The following CTNNA3 variants were observed in gnomAD, a reference collection of about 807,000 sequenced individuals.
CTNNA3 encodes catenin alpha-3.
In CTNNA3, 76 loss-of-function variants were observed where a neutral mutation model predicts 95.7. The ratio of observed to expected loss-of-function variants is 0.79; its 90% confidence interval spans 0.66 to 0.96. The LOEUF is 0.96. Among genes scored for constraint, CTNNA3 ranks in the 40% least tolerant of loss-of-function variants. The probability of loss-of-function intolerance (pLI) is 0.00; values close to 1 mark genes in which losing one functional copy is unlikely to be tolerated. For missense variants in CTNNA3, 1,191 were observed against 1,089.8 expected, an observed-to-expected ratio of 1.09 and a Z score of -1.31; for synonymous variants, 431 against 374.4, an observed-to-expected ratio of 1.15 and a Z score of -1.74.
intron 11 of CTNNA3, among the ~76,000 whole-genome samples, chr10:66,482,496 G>T (rs934631614): frequency 6.6e-6 from 1 of 152,098 alleles, no homozygotes; most frequent in Non-Finnish European, 1.5e-5. Context: ...TTTATCATTG[G>T]CCGCACTGCT....
chr10:66,227,510 AGAAAAATAATC>A (rs761224816), intron 13 of CTNNA3, among the ~76,000 whole-genome samples: 24 of 151,992 alleles, frequency 1.6e-4, no homozygotes, highest in Non-Finnish European at 3.1e-4. Flanking sequence ...TTGCATTCCT[AGAAAAATAATC>A]CCACGTAATT....
chr10:66,299,450 A>G (rs10822798), intron 12 of CTNNA3, among the ~76,000 whole-genome samples: 42,861 of 152,080 alleles, frequency 0.28, 6,548 homozygotes, highest in African/African-American at 0.39. Context: ...AGTAAGTGCT[A>G]GAGTGGTGTT....
intron 13 of CTNNA3, among the ~76,000 whole-genome samples, chr10:66,123,404 G>A (rs577773691): frequency 6.6e-6 from 1 of 152,266 alleles, no homozygotes; most frequent in South Asian, 2.1e-4. Context: ...CGTCCCTGTG[G>A]CTTTGCAGGG....
At chr10:66,797,919 C>A (rs1485424832) in intron 7 of CTNNA3, among the ~76,000 whole-genome samples, 1 of 151,804 alleles carries the variant, frequency 6.6e-6, no homozygotes, top group Non-Finnish European at 1.5e-5. Flanking sequence ...TTCATAATGT[C>A]AATAAACCAG....
chr10:67,567,797 G>T (rs1190624005), intron 3 of CTNNA3, among the ~76,000 whole-genome samples: 1 of 152,034 alleles, frequency 6.6e-6, no homozygotes, highest in Non-Finnish European at 1.5e-5. Flanking sequence ...TTTAATTGTA[G>T]GCCTCCACCA....
chr10:66,969,503 T>A (rs1195495167), intron 7 of CTNNA3, among the ~76,000 whole-genome samples: 4 of 152,170 alleles, frequency 2.6e-5, no homozygotes, highest in Non-Finnish European at 5.9e-5. Context: ...TATCTTGGAT[T>A]ATTTCCTCGG....
chr10:67,460,765 A>T (rs1396700768), intron 5 of CTNNA3, among the ~76,000 whole-genome samples: 3 of 152,136 alleles, frequency 2.0e-5, no homozygotes, highest in African/African-American at 7.2e-5. Flanking sequence ...TTCATTATGG[A>T]GGTAATATTA....
intron 2 of CTNNA3, among the ~76,000 whole-genome samples, chr10:67,631,094 T>C (rs1277103301): frequency 2.0e-5 from 3 of 152,218 alleles, no homozygotes; most frequent in East Asian, 3.8e-4. Flanking sequence ...ACTTGGATCT[T>C]GAAAGTGATA....
At chr10:67,476,636 C>A (rs1028485377) in intron 5 of CTNNA3, among the ~76,000 whole-genome samples, 25 of 150,410 alleles carry the variant, frequency 1.7e-4, no homozygotes, top group African/African-American at 5.9e-4. Context: ...CGTAGTGCAT[C>A]TGAGCCTTCT....
At chr10:66,963,849 T>C (rs990193282) in intron 7 of CTNNA3, among the ~76,000 whole-genome samples, 5 of 151,172 alleles carry the variant, frequency 3.3e-5, no homozygotes, top group African/African-American at 1.2e-4. Context: ...ACATCAATTT[T>C]TTTTTTTTTT....
intron 13 of CTNNA3, among the ~76,000 whole-genome samples, chr10:66,265,623 A>G (rs2132113796): frequency 6.6e-6 from 1 of 152,154 alleles, no homozygotes; most frequent in East Asian, 1.9e-4. Context: ...AAGCAATTCC[A>G]AATTTTAGCA....
intron 7 of CTNNA3, among the ~76,000 whole-genome samples, chr10:66,999,722 A>G (rs1357698184): frequency 6.6e-6 from 1 of 152,208 alleles, no homozygotes; most frequent in African/African-American, 2.4e-5. Flanking sequence ...TAAGTCTTTA[A>G]GCAAAAAACA....
chr10:67,083,864 G>A (rs939344982), intron 7 of CTNNA3, among the ~76,000 whole-genome samples: 3 of 152,060 alleles, frequency 2.0e-5, no homozygotes, highest in African/African-American at 7.2e-5. Flanking sequence ...TTATTAAAAT[G>A]TAAGTAATCA....
At chr10:66,897,395 G>C (rs1589390072) in intron 7 of CTNNA3, among the ~76,000 whole-genome samples, 1 of 151,972 alleles carries the variant, frequency 6.6e-6, no homozygotes, top group Non-Finnish European at 1.5e-5. Flanking sequence ...TTGAGGTTTT[G>C]ACTTTGGAAA....
chr10:67,558,432 T>G (rs1321668104), intron 3 of CTNNA3, among the ~76,000 whole-genome samples: 1 of 152,238 alleles, frequency 6.6e-6, no homozygotes, highest in East Asian at 1.9e-4. Context: ...TCACTGAGAT[T>G]GCTATAAAGA....
intron 7 of CTNNA3, among the ~76,000 whole-genome samples, chr10:66,974,900 AT>A (rs913709569): frequency 1.6e-4 from 24 of 151,582 alleles, no homozygotes; most frequent in East Asian, 9.7e-4. Context: ...TTAATAATAC[AT>A]TTTTTTTAAG....
chr10:66,492,838 G>A (rs1326396559), intron 11 of CTNNA3, among the ~76,000 whole-genome samples: 1 of 152,114 alleles, frequency 6.6e-6, no homozygotes, highest in Admixed American at 6.5e-5. Context: ...ACTCCATCTA[G>A]TTTAAAGATC....
chr10:66,235,075 C>A (rs949495663), intron 13 of CTNNA3, among the ~76,000 whole-genome samples: 6 of 152,154 alleles, frequency 3.9e-5, no homozygotes, highest in African/African-American at 1.4e-4. Flanking sequence ...GTTGAGCCTT[C>A]AGATAGACAG....
chr10:67,532,549 T>A (rs1425136402), intron 4 of CTNNA3, among the ~76,000 whole-genome samples: 6 of 152,168 alleles, frequency 3.9e-5, no homozygotes, highest in Non-Finnish European at 8.8e-5. Flanking sequence ...TCCAAAGGGA[T>A]CAACATTCCC....
Sources: gnomAD v4.1 joint callset for allele counts (sites outside exome capture counted in the v4.1 genomes callset) on GRCh38, gnomAD v4.1.1 for gene constraint, MANE v1.5 for transcripts, NCBI Gene and HGNC (gene_info 2026-07-23, HGNC 2026-07-21) for gene names.